OR1I1: variants seen among roughly 807,000 people sequenced by gnomAD.
OR1I1 encodes the protein olfactory receptor family 1 subfamily I member 1.
For missense variants in OR1I1, 451 were observed against 443.6 expected (o/e 1.02, Z -0.15); for synonymous variants, 171 against 181.4 (o/e 0.94, Z 0.46).
rs757508009 is a variant in OR1I1, at chr19:15,085,176, A to AT, written c.-13-1866dup. Among the ~76,000 whole-genome samples the AT allele has an allele frequency of 1.1e-3, 91 of 80,126 alleles. 2 individuals are homozygous for AT. The highest frequency in any genetic ancestry group is 1.6e-3 in the Admixed American group (9 of 5,524). 52.6% of individuals were successfully genotyped at this position (80,126 alleles called of 152,430 possible). A position where few individuals can be genotyped will look rare whatever the true frequency, so the allele number is the denominator to read the frequency against. ...TATATATATATATATATATATATATATTTTTTTTTTTGAGACAGAGTTTCG... is the reference window on the plus strand; with the variant it reads ...TATATATATATATATATATATATATATTTTTTTTTTTTGAGACAGAGTTTCG... On this transcript the variant is annotated intron_variant, in intron 1 of 1. Coordinates refer to ENST00000641398, the MANE Select transcript of OR1I1 (RefSeq NM_001004713.2).
Position 15,087,371 on chromosome 19 carries a change from T to G in OR1I1, c.306T>G (p.Tyr102Ter), listed in dbSNP as rs1471411702. 1 of 1,614,194 alleles carries G rather than the reference T, an allele frequency of 6.2e-7. No individual in the cohort carries two copies. Among genetic ancestry groups the G allele is most frequent in the Non-Finnish European group, 8.5e-7 (1 of 1,180,030 alleles). Residue 102 changes from tyrosine (Y) to a stop codon, truncating the protein, a stop_gained, in exon 2 of 2, where the codon TAT becomes TAG. Transcript: ENST00000641398. LOFTEE classifies it low-confidence loss of function (END_TRUNC). ...IPFVGCLTQM[Y>*]AFHLFGTMDS... ...TTGTGGGCTGCCTCACCCAGATGTATGCCTTCCACCTGTTCGGGACCATGG... is the reference window on the plus strand; with the variant it reads ...TTGTGGGCTGCCTCACCCAGATGTAGGCCTTCCACCTGTTCGGGACCATGG...
At chr19:15,082,831 A>G (rs975517851) in intron 1 of OR1I1, among the ~76,000 whole-genome samples, 6 of 152,002 alleles carry the variant, frequency 3.9e-5, no homozygotes, top group Middle Eastern at 6.8e-3. Flanking sequence ...TGTTTTTGAG[A>G]CAGGGTCTCG....
chr19:15,082,386 G>A (rs2046212937), intron 1 of OR1I1, 110 bp downstream of exon 1: 1 of 152,240 alleles, frequency 6.6e-6, no homozygotes. Flanking sequence ...ATGCCATCCT[G>A]GTGAGCAGGT....
rs938277618 is a variant in OR1I1, at chr19:15,087,690, A to G, written c.625A>G (p.Ser209Gly). The change falls in exon 2 of 2, where the codon AGC becomes GGC. Residue 209 changes from serine to glycine, a missense_variant. Coordinates refer to ENST00000641398, the MANE Select transcript of OR1I1 (RefSeq NM_001004713.2). ...TGCTTTTGGCATTGTCGTGGGCACC[A>G]GCCCATTCTCCTGCATCCTTCTCTC... Reference protein sequence around the residue: ...IFAFGIVVGTSPFSCILLSYI... With the variant: ...IFAFGIVVGTGPFSCILLSYI... The G allele has an allele frequency of 1.2e-6, 2 of 1,613,984 alleles. No homozygotes were observed. The highest frequency in any genetic ancestry group is 1.7e-6 in the Non-Finnish European group (2 of 1,179,814).
rs1568323011 is a variant in OR1I1 at position 15,088,775 on chromosome 19, A to AATAGAT, written c.*642_*643insATAGAT. On this transcript the variant is annotated 3_prime_UTR_variant, in exon 2 of 2. Coordinates refer to ENST00000641398, the MANE Select transcript of OR1I1 (RefSeq NM_001004713.2). ...GATAGGGTGGATAGATAAGATATGT[A>AATAGAT]GATAGATAGATAGATAGATAGATAG... is the stretch of plus-strand genomic sequence containing the variant. The AATAGAT allele has an allele frequency of 1.1e-3, 4 of 3,706 alleles. No homozygotes were observed. The highest frequency in any genetic ancestry group is 4.9e-3 in the African/African-American group (2 of 410). The allele number at this position is 3,706 out of a possible 1,614,324, so 0.2% of individuals were successfully genotyped here. A position where few individuals can be genotyped will look rare whatever the true frequency, so the allele number is the denominator to read the frequency against.
chr19:15,089,879 A>C lies in OR1I1; in HGVS notation c.*1746A>C, dbSNP rs1292946476. ...AATAAAAAAGATATGTTGAAGTCCT[A>C]ACCCCAAGGACCTCAGAATGTGACC... On this transcript the variant is annotated 3_prime_UTR_variant, in exon 2 of 2. Transcript: ENST00000641398. The C allele has an allele frequency of 1.3e-5, 2 of 152,146 alleles. No individual in the cohort carries two copies. 9.4% of individuals were successfully genotyped at this position (152,146 alleles called of 1,614,324 possible). A position where few individuals can be genotyped will look rare whatever the true frequency, so the allele number is the denominator to read the frequency against.
intron 1 of OR1I1, among the ~76,000 whole-genome samples, 169 bp downstream of exon 1, chr19:15,082,445 G>T (rs928258352): frequency 1.3e-5 from 2 of 152,010 alleles, no homozygotes; most frequent in Non-Finnish European, 2.9e-5. Flanking sequence ...AGGGTTGTGG[G>T]AGAGGAATCT....
chr19:15,084,416 T>G (rs1334936811), intron 1 of OR1I1, among the ~76,000 whole-genome samples: 5 of 151,858 alleles, frequency 3.3e-5, no homozygotes, highest in Non-Finnish European at 7.4e-5. Flanking sequence ...AAATTAGCCA[T>G]GCGTGGTGGT....
chr19:15,086,132 G>A (rs1166306963), intron 1 of OR1I1, among the ~76,000 whole-genome samples: 2 of 151,976 alleles, frequency 1.3e-5, no homozygotes, highest in Non-Finnish European at 2.9e-5. Context: ...TGGCCAACAT[G>A]GTGAAAGCCC....
rs2046244170 is a variant in OR1I1, at chr19:15,088,810, T to TAGAC, written c.*680_*681insCAGA. ...ATAGATAGATAGATAGATAGATAGA[T>TAGAC]AGATAGATAGATATACAGATAGATA... is the stretch of plus-strand genomic sequence containing the variant. On this transcript the variant is annotated 3_prime_UTR_variant, in exon 2 of 2. Transcript: ENST00000641398. The TAGAC allele has an allele frequency of 1.3e-5, 2 of 150,668 alleles. No homozygotes were observed. Among genetic ancestry groups the TAGAC allele is most frequent in the Non-Finnish European group, 2.9e-5 (2 of 67,816 alleles). 9.3% of individuals were successfully genotyped at this position (150,668 alleles called of 1,614,324 possible). A position where few individuals can be genotyped will look rare whatever the true frequency, so the allele number is the denominator to read the frequency against.
At position 15,088,760 on chromosome 19, in the gene OR1I1, A is replaced by C. The variant is rs1322795846; in HGVS notation, c.*627A>C. 1 of 64,744 alleles carries C rather than the reference A, an allele frequency of 1.5e-5. No individual in the cohort carries two copies. Among genetic ancestry groups the C allele is most frequent in the African/African-American group, 4.3e-5 (1 of 23,348 alleles). 4.0% of individuals were successfully genotyped at this position (64,744 alleles called of 1,614,324 possible). On this transcript the variant is annotated 3_prime_UTR_variant, in exon 2 of 2. Transcript: ENST00000641398. Reference sequence around the variant, plus strand: ...AAGATAAGATAGGTAGATAGGGTGGATAGATAAGATATGTAGATAGATAGA... The same window carrying C: ...AAGATAAGATAGGTAGATAGGGTGGCTAGATAAGATATGTAGATAGATAGA...
At position 15,087,662 on chromosome 19, in the gene OR1I1, C is replaced by A. The variant is rs776668473; in HGVS notation, c.597C>A (p.Ile199=). 1.2e-6 allele frequency: 2 copies of A among 1,614,222 alleles called. No homozygotes were observed. Among genetic ancestry groups the A allele is most frequent in the Non-Finnish European group, 1.7e-6 (2 of 1,180,046 alleles). Residue 199 remains isoleucine (I), a synonymous_variant, in exon 2 of 2, where the codon ATC becomes ATA. Coordinates refer to ENST00000641398, the MANE Select transcript of OR1I1 (RefSeq NM_001004713.2). ...GSDTHTNELV[I]FAFGIVVGTS... is the part of the protein sequence containing the mutation. Reference sequence around the variant, plus strand: ...ACACGCACACCAACGAGCTGGTGATCTTTGCTTTTGGCATTGTCGTGGGCA... The same window carrying A: ...ACACGCACACCAACGAGCTGGTGATATTTGCTTTTGGCATTGTCGTGGGCA...
Position 15,088,006 on chromosome 19 carries a change from G to A in OR1I1, c.941G>A (p.Arg314Lys). 1 of 1,614,120 alleles carries A rather than the reference G, an allele frequency of 6.2e-7. No individual in the cohort carries two copies. Among genetic ancestry groups the A allele is most frequent in the Non-Finnish European group, 8.5e-7 (1 of 1,179,998 alleles). Residue 314 changes from arginine to lysine, a missense_variant, in exon 2 of 2, where the codon AGG becomes AAG. Transcript: ENST00000641398. ...LIGKVAVPCP[R>K]PEQLLDVYHV... is the part of the protein sequence containing the mutation. Reference sequence around the variant, plus strand: ...GGCAAAGTGGCCGTCCCCTGTCCTAGGCCAGAACAGTTATTGGATGTTTAT... The same window carrying A: ...GGCAAAGTGGCCGTCCCCTGTCCTAAGCCAGAACAGTTATTGGATGTTTAT...
Position 15,089,541 on chromosome 19 carries a change from G to A in OR1I1, c.*1408G>A, listed in dbSNP as rs1318789889. 2 of 152,208 alleles carry A rather than the reference G, an allele frequency of 1.3e-5. No homozygotes were observed. Among genetic ancestry groups the A allele is most frequent in the African/African-American group, 2.4e-5 (1 of 41,428 alleles). 9.4% of individuals were successfully genotyped at this position (152,208 alleles called of 1,614,324 possible). On this transcript the variant is annotated 3_prime_UTR_variant, in exon 2 of 2. Transcript: ENST00000641398. Reference sequence around the variant, plus strand: ...GGCTCCCAAAAAAAGATACGTGGGAGGCCAGGCGCAGTGGCTCACACCTGT... The same window carrying A: ...GGCTCCCAAAAAAAGATACGTGGGAAGCCAGGCGCAGTGGCTCACACCTGT...
rs1318231887 is a variant in OR1I1, at chr19:15,085,189, A to T, written c.-13-1864A>T. Among the ~76,000 whole-genome samples, 27 of 50,960 alleles carry T rather than the reference A, an allele frequency of 5.3e-4. 1 individual carries two copies. The highest frequency in any genetic ancestry group is 1.0e-3 in the Admixed American group (4 of 3,978). 33.4% of individuals were successfully genotyped at this position (50,960 alleles called of 152,430 possible). A position where few individuals can be genotyped will look rare whatever the true frequency, so the allele number is the denominator to read the frequency against. ...ATATATATATATATTTTTTTTTTTG[A>T]GACAGAGTTTCGCTCTTGTTGCCAA... On this transcript the variant is annotated intron_variant, in intron 1 of 1. Transcript: ENST00000641398.
In OR1I1 at chr19:15,092,106, T is replaced by TTTTTTTTTTTTTTTTTTTTC. The variant is rs2046259432; in HGVS notation, c.*3977_*3978insTTTTTTTTTTTTTTTCTTTT. 4.8e-5 allele frequency: 2 copies of TTTTTTTTTTTTTTTTTTTTC among 41,688 alleles called. 1 individual carries two copies. Among genetic ancestry groups the TTTTTTTTTTTTTTTTTTTTC allele is most frequent in the African/African-American group, 9.1e-5 (2 of 22,014 alleles). The allele number at this position is 41,688 out of a possible 1,614,324, so 2.6% of individuals were successfully genotyped here. A position where few individuals can be genotyped will look rare whatever the true frequency, so the allele number is the denominator to read the frequency against. On this transcript the variant is annotated 3_prime_UTR_variant, in exon 2 of 2. Transcript: ENST00000641398. The stretch of plus-strand genomic sequence containing the variant: ...AAAACGCTTTTTTTTTTTTTTTTTT[T>TTTTTTTTTTTTTTTTTTTTC]TTTTGGTTTTTGGTTGTTTTTTTTT...
In OR1I1 at chr19:15,087,748, T is replaced by G. The variant is rs1269598813; in HGVS notation, c.683T>G (p.Ile228Ser). Residue 228 changes from isoleucine (I) to serine (S), a missense_variant, in exon 2 of 2, where the codon ATC becomes AGC. Coordinates refer to ENST00000641398, the MANE Select transcript of OR1I1 (RefSeq NM_001004713.2). ...CGCATTTTCTGGACAGTCTTTAAGA[T>G]CCCTTCTACTCGGGGCAAGTGGAAA... ...YIRIFWTVFK[I>S]PSTRGKWKAF... is the part of the protein sequence containing the mutation. 6.2e-7 allele frequency: 1 copy of G among 1,614,210 alleles called. No homozygotes were observed. The highest frequency in any genetic ancestry group is 1.1e-5 in the South Asian group (1 of 91,086).
rs1458046684 is a variant in OR1I1 at position 15,085,157 on chromosome 19, TATATATATATA to T, written c.-13-1895_-13-1885del. On this transcript the variant is annotated intron_variant, in intron 1 of 1. Transcript: ENST00000641398. Reference sequence around the variant, plus strand: ...ATATATATATATATATATATATATATATATATATATATATATATATTTTTTTTTTTGAGACA... The same window carrying T: ...ATATATATATATATATATATATATATTATATATATTTTTTTTTTTGAGACA... 8.2e-3 allele frequency among the ~76,000 whole-genome samples: 336 copies of T among 41,190 alleles called. 18 individuals are homozygous for T. Among genetic ancestry groups the T allele is most frequent in the African/African-American group, 0.022 (164 of 7,596 alleles). 27.0% of individuals were successfully genotyped at this position (41,190 alleles called of 152,430 possible). A position where few individuals can be genotyped will look rare whatever the true frequency, so the allele number is the denominator to read the frequency against.
At chr19:15,082,840 C>T (rs1568321312) in intron 1 of OR1I1, among the ~76,000 whole-genome samples, 2 of 152,002 alleles carry the variant, frequency 1.3e-5, no homozygotes, top group East Asian at 3.9e-4. Context: ...GACAGGGTCT[C>T]GCTCTGTTGC....
Sources: allele counts gnomAD v4.1 joint callset (sites outside exome capture counted in the v4.1 genomes callset), GRCh38; gene constraint gnomAD v4.1.1; transcripts MANE v1.5; gene names NCBI Gene and HGNC (gene_info 2026-07-23, HGNC 2026-07-21).